The following CABIN1 variants were observed in gnomAD, a reference collection of about 807,000 sequenced individuals.
The protein encoded by CABIN1 is calcineurin binding protein 1.
In CABIN1, 133 loss-of-function variants were observed where a neutral mutation model predicts 227.7. That is an observed-to-expected ratio of 0.58 (90% CI 0.51 to 0.67). The LOEUF (loss-of-function observed/expected upper bound fraction) is 0.67. Among genes scored for constraint, CABIN1 ranks in the 30% least tolerant of loss-of-function variants. The probability of loss-of-function intolerance (pLI) is 0.00; values close to 1 mark genes in which losing one functional copy is unlikely to be tolerated. For missense variants in CABIN1, 2,408 were observed against 2,852.5 expected (o/e 0.84, Z 3.55); for synonymous variants, 1,086 against 1,155.1 (o/e 0.94, Z 1.21).
At chr22:24,045,715 A>G (rs1177004504) in intron 6 of CABIN1, among the ~76,000 whole-genome samples, 1 of 152,206 alleles carries the variant, frequency 6.6e-6, no homozygotes, top group African/African-American at 2.4e-5. Flanking sequence ...ATAATAAAAT[A>G]TGATAGATTG....
rs745904581 is a variant in CABIN1, at chr22:24,087,724, G to A, written c.3525+11G>A. On this transcript the variant is annotated intron_variant, in intron 23 of 36. Transcript: ENST00000263119. ...GAGCTCGTGCAGCAGGTGAGGAGGGGGTGCTGCAGATGGGCTTGCCATCCT... is the reference window on the plus strand; with the variant it reads ...GAGCTCGTGCAGCAGGTGAGGAGGGAGTGCTGCAGATGGGCTTGCCATCCT... 9 of 1,613,282 alleles carry A rather than the reference G, an allele frequency of 5.6e-6. No individual in the cohort carries two copies. Among genetic ancestry groups the A allele is most frequent in the Non-Finnish European group, 6.8e-6 (8 of 1,180,012 alleles).
chr22:24,127,874 A>G (rs1277950920), intron 28 of CABIN1, among the ~76,000 whole-genome samples: 1 of 152,146 alleles, frequency 6.6e-6, no homozygotes, highest in Non-Finnish European at 1.5e-5. Context: ...ATGAGTATAT[A>G]TGAATAACGT....
At chr22:24,035,105 T>C (rs34436693) in intron 1 of CABIN1, among the ~76,000 whole-genome samples, 2,891 of 152,354 alleles carry the variant, frequency 0.019, 36 homozygotes, top group South Asian at 0.036. Context: ...GAATTGTTCT[T>C]TGCTGCCTTT....
intron 34 of CABIN1, among the ~76,000 whole-genome samples, chr22:24,174,285 C>A (rs1217852060): frequency 6.6e-6 from 1 of 151,778 alleles, no homozygotes; most frequent in Non-Finnish European, 1.5e-5. Flanking sequence ...TGGGCCACTA[C>A]GCCTGGGTAA....
At chr22:24,078,281 G>A (rs2040572642) in intron 19 of CABIN1, among the ~76,000 whole-genome samples, 1 of 152,094 alleles carries the variant, frequency 6.6e-6, no homozygotes, top group South Asian at 2.1e-4. Flanking sequence ...AGCAATACCT[G>A]ACAGACTGCT....
chr22:24,166,955 G>A lies in CABIN1; in HGVS notation c.5324G>A (p.Arg1775Gln), dbSNP rs762330768. Reference protein sequence around the residue: ...EATVCHSDLERTPPLLPGRPA... With the variant: ...EATVCHSDLEQTPPLLPGRPA... ...ACTGTTTGCCACTCAGACTTGGAGC[G>A]GACACCACCCCTGCTGCCAGGTCGC... Residue 1775 changes from arginine (R) to glutamine (Q), a missense_variant, in exon 32 of 37, where the codon CGG becomes CAG. By Grantham distance (43) the Arg-to-Gln change is conservative. Around this residue, in one of 3 missense-constraint regions of CABIN1, gnomAD observed 714 missense variants for 773.8 expected, o/e 0.92. Coordinates refer to ENST00000263119, the MANE Select transcript of CABIN1 (RefSeq NM_012295.4). 4.1e-5 allele frequency: 66 copies of A among 1,594,700 alleles called. No homozygotes were observed. In the African/African-American group the frequency reaches 6.2e-4, roughly 15 times the overall value.
At chr22:24,083,053 C>A (rs955544536) in intron 19 of CABIN1, among the ~76,000 whole-genome samples, 175 bp from the exon 20 acceptor site, 1 of 152,204 alleles carries the variant, frequency 6.6e-6, no homozygotes, top group Non-Finnish European at 1.5e-5. Context: ...ATTAGGATAA[C>A]AAGACTTTTC....
At chr22:24,153,644 C>T (rs2045618382) in intron 29 of CABIN1, among the ~76,000 whole-genome samples, 1 of 152,096 alleles carries the variant, frequency 6.6e-6, no homozygotes, top group East Asian at 1.9e-4. Context: ...AGTGTTTTTA[C>T]CTGTCAGACA....
rs139631782 is a variant in CABIN1, at chr22:24,119,494, C to G, written c.4428C>G (p.Thr1476=). Reference sequence around the variant, plus strand: ...GCAAGCCCTCAGCATCCACACCCACCCTGTGGGATGGGAAGAAGAGAGGGG... The same window carrying G: ...GCAAGCCCTCAGCATCCACACCCACGCTGTGGGATGGGAAGAAGAGAGGGG... ...IPGKPSASTP[T]LWDGKKRGDL... The change falls in exon 28 of 37, where the codon ACC becomes ACG. Residue 1476 remains threonine (T), a synonymous_variant. Coordinates refer to ENST00000263119, the MANE Select transcript of CABIN1 (RefSeq NM_012295.4). 6.2e-7 allele frequency: 1 copy of G among 1,614,082 alleles called. No individual in the cohort carries two copies. The highest frequency in any genetic ancestry group is 1.3e-5 in the African/African-American group (1 of 75,044).
chr22:24,026,179 G>T (rs1448560441), intron 1 of CABIN1, among the ~76,000 whole-genome samples: 1 of 152,126 alleles, frequency 6.6e-6, no homozygotes, highest in Non-Finnish European at 1.5e-5. Context: ...TCACTCTGTT[G>T]CCCAGGCTGG....
intron 29 of CABIN1, among the ~76,000 whole-genome samples, chr22:24,139,196 C>T (rs1157123703): frequency 6.6e-6 from 1 of 152,248 alleles, no homozygotes; most frequent in African/African-American, 2.4e-5. Flanking sequence ...GTGCCCTTCT[C>T]AGAGGTGCTT....
chr22:24,019,977 T>G (rs1308011412), intron 1 of CABIN1, among the ~76,000 whole-genome samples: 1 of 152,120 alleles, frequency 6.6e-6, no homozygotes, highest in Non-Finnish European at 1.5e-5. Flanking sequence ...TTTATATCTC[T>G]AATTGATTTA....
At chr22:24,086,818 A>G (rs771930621) in intron 22 of CABIN1, among the ~76,000 whole-genome samples, 6 of 152,144 alleles carry the variant, frequency 3.9e-5, no homozygotes, top group Non-Finnish European at 5.9e-5. Context: ...GGTCTCAGCC[A>G]TCATGTGGTC....
intron 24 of CABIN1, among the ~76,000 whole-genome samples, chr22:24,093,055 C>G (rs1001221344): frequency 6.6e-6 from 1 of 152,112 alleles, no homozygotes; most frequent in Non-Finnish European, 1.5e-5. Flanking sequence ...CAGTGCATGT[C>G]TTTGTACTTG....
chr22:24,156,981 T>C (rs2045867673), intron 29 of CABIN1, among the ~76,000 whole-genome samples: 1 of 152,166 alleles, frequency 6.6e-6, no homozygotes, highest in Non-Finnish European at 1.5e-5. Context: ...CCAGCCCTTG[T>C]CTGCAGAGAG....
intron 29 of CABIN1, among the ~76,000 whole-genome samples, chr22:24,147,236 C>T (rs1031889086): frequency 3.3e-5 from 5 of 149,628 alleles, no homozygotes; most frequent in African/African-American, 1.2e-4. Flanking sequence ...CACCTCCCTC[C>T]CTCCCTCTCT....
Position 24,167,102 on chromosome 22 carries a change from C to G in CABIN1, c.5471C>G (p.Pro1824Arg), listed in dbSNP as rs773021121. 2 of 1,548,948 alleles carry G rather than the reference C, an allele frequency of 1.3e-6. No individual in the cohort carries two copies. Among genetic ancestry groups the G allele is most frequent in the Non-Finnish European group, 8.7e-7 (1 of 1,146,990 alleles). Residue 1824 changes from proline (P) to arginine (R), a missense_variant, in exon 32 of 37, where the codon CCC (proline) becomes CGC (arginine). By Grantham distance (103) the Pro-to-Arg change is moderately radical. Coordinates refer to ENST00000263119, the MANE Select transcript of CABIN1 (RefSeq NM_012295.4). ...TPAQPAPAPA[P>R]ATTTGTRAGG... is the part of the protein sequence containing the mutation. ...GCCCAGCCAGCCCCCGCCCCCGCCC[C>G]CGCCACCACCACAGGGACCAGGGCA...
At chr22:24,070,226 C>T (rs577126841) in intron 16 of CABIN1, among the ~76,000 whole-genome samples, 22 of 152,244 alleles carry the variant, frequency 1.4e-4, no homozygotes, top group Non-Finnish European at 2.9e-4. Context: ...CCCACAGTGC[C>T]GCTGAGGGGA....
At chr22:24,167,561 A>G (rs1047724259) in intron 32 of CABIN1, among the ~76,000 whole-genome samples, 3 of 152,200 alleles carry the variant, frequency 2.0e-5, no homozygotes, top group African/African-American at 7.2e-5. Context: ...CGCTGCTCCC[A>G]CCGCTGCGCT....
Sources: gnomAD v4.1 joint callset for allele counts (sites outside exome capture counted in the v4.1 genomes callset) on GRCh38, gnomAD v4.1.1 for gene constraint, gnomAD v4.1.1 regional missense constraint, MANE v1.5 for transcripts, NCBI Gene and HGNC (gene_info 2026-07-23, HGNC 2026-07-21) for gene names.